Variants in CDIN1 observed in about 807,000 individuals in gnomAD.
CDIN1 encodes the protein CDAN1 interacting nuclease 1, also known as CDAN1-interacting nuclease 1.
A neutral mutation model predicts 45.3 loss-of-function variants in CDIN1; 33 were observed. The observed-to-expected ratio is 0.73, with a 90% CI of 0.55 to 0.97. The LOEUF (loss-of-function observed/expected upper bound fraction) is 0.97, where lower values mean the gene tolerates loss of function less well. CDIN1 is among the 50% of genes least tolerant of loss of function. CDIN1 has a pLI of 0.00. For synonymous variants in CDIN1, 118 were observed against 124.4 expected, an observed-to-expected ratio of 0.95 and a Z score of 0.34; for missense variants, 303 against 339.4, an observed-to-expected ratio of 0.89 and a Z score of 0.84.
intron 1 of CDIN1, among the ~76,000 whole-genome samples, chr15:36,643,516 G>A (rs143357398): frequency 1.3e-5 from 2 of 152,336 alleles, no homozygotes; most frequent in Admixed American, 6.5e-5. Context: ...AAGGACAGTC[G>A]AAAAGAGTAG....
intron 8 of CDIN1, 70 bp downstream of exon 8, chr15:36,697,460 C>T (rs1208897467): frequency 3.2e-6 from 4 of 1,265,532 alleles, no homozygotes; most frequent in East Asian, 4.8e-5. Flanking sequence ...TTTTAAAAAT[C>T]TTCCACTAAA....
At chr15:36,619,018 C>T (rs1437011476) in intron 1 of CDIN1, 1 of 1,451,658 alleles carries the variant, frequency 6.9e-7, no homozygotes, top group Non-Finnish European at 9.4e-7. Flanking sequence ...ATGGGAACTT[C>T]GCTCCAATGT....
At chr15:36,747,881 C>T (rs566815860) in intron 10 of CDIN1, among the ~76,000 whole-genome samples, 1 of 151,736 alleles carries the variant, frequency 6.6e-6, no homozygotes. Flanking sequence ...ATTTTTCACT[C>T]TGAGTCTTGT....
rs935047771 is a variant in CDIN1 at position 36,639,462 on chromosome 15, G to A, written c.102-4816G>A. ...TCTACTAAAAATACAAAAATTAGCC[G>A]GGCGTGGTGGCAGCTATTCTGGAGG... On this transcript the variant is annotated intron_variant, in intron 1 of 10. Coordinates refer to ENST00000566621, the MANE Select transcript of CDIN1 (RefSeq NM_001321759.2). Among the ~76,000 whole-genome samples the A allele has an allele frequency of 3.9e-5, 6 of 152,136 alleles. No individual in the cohort carries two copies. In the South Asian group the frequency reaches 8.3e-4, roughly 21 times the overall value.
intron 5 of CDIN1, among the ~76,000 whole-genome samples, chr15:36,663,352 G>A (rs1315212354): frequency 1.3e-5 from 2 of 152,182 alleles, no homozygotes; most frequent in East Asian, 3.8e-4. Flanking sequence ...TTTTATGACA[G>A]TGCTTTTCAA....
intron 5 of CDIN1, chr15:36,691,313 C>T (rs1438106224): frequency 3.1e-6 from 1 of 324,384 alleles, no homozygotes; most frequent in Non-Finnish European, 5.9e-6. Flanking sequence ...TCATTAAACT[C>T]TTCATATACA....
chr15:36,730,569 T>C (rs951005256), intron 10 of CDIN1, among the ~76,000 whole-genome samples: 72 of 152,274 alleles, frequency 4.7e-4, no homozygotes, highest in African/African-American at 1.5e-3. Context: ...ATTTAGCATG[T>C]TGGGAATTTA....
intron 5 of CDIN1, among the ~76,000 whole-genome samples, chr15:36,660,989 T>G (rs1288266598): frequency 6.6e-6 from 1 of 152,158 alleles, no homozygotes; most frequent in Non-Finnish European, 1.5e-5. Context: ...AGTGAGGCTG[T>G]TCTGGGAGAG....
chr15:36,697,044 G>A (rs771848656), intron 7 of CDIN1, among the ~76,000 whole-genome samples: 8 of 151,018 alleles, frequency 5.3e-5, no homozygotes, highest in Non-Finnish European at 1.2e-4. Context: ...AGGATTGCTT[G>A]AGCCCAGGAG....
At chr15:36,751,232 T>TATATATATATATATATAG in intron 10 of CDIN1, among the ~76,000 whole-genome samples, 1 of 60,150 alleles carries the variant, frequency 1.7e-5, no homozygotes, top group Non-Finnish European at 3.9e-5. Flanking sequence ...GCTTATTTTA[T>TATATATATATATATATAG]ATATATATAT....
chr15:36,606,797 A>G (rs1460338061), intron 1 of CDIN1, among the ~76,000 whole-genome samples: 2 of 152,080 alleles, frequency 1.3e-5, no homozygotes, highest in Non-Finnish European at 2.9e-5. Flanking sequence ...GGTTATGTAA[A>G]TTTTATATTC....
chr15:36,632,549 G>A (rs187611576), intron 1 of CDIN1, among the ~76,000 whole-genome samples: 61 of 152,050 alleles, frequency 4.0e-4, no homozygotes, highest in African/African-American at 1.4e-3. Flanking sequence ...TTTGTTTATA[G>A]TACAGTTCCT....
At chr15:36,718,187 G>C (rs111599362) in intron 10 of CDIN1, among the ~76,000 whole-genome samples, 2 of 151,892 alleles carry the variant, frequency 1.3e-5, no homozygotes, top group African/African-American at 4.8e-5. Context: ...GTTCATATAC[G>C]TGTGGGCCTG....
At chr15:36,712,717 T>C (rs1438072755) in intron 10 of CDIN1, among the ~76,000 whole-genome samples, 2 of 152,136 alleles carry the variant, frequency 1.3e-5, no homozygotes, top group African/African-American at 4.8e-5. Context: ...TTTTACAATG[T>C]AGTCATCTTC....
chr15:36,676,778 G>A (rs1026154663), intron 5 of CDIN1, among the ~76,000 whole-genome samples: 1 of 152,132 alleles, frequency 6.6e-6, no homozygotes, highest in Non-Finnish European at 1.5e-5. Context: ...CCTTCATTAT[G>A]TGGCCCTATA....
At chr15:36,630,901 G>T (rs2039651423) in intron 1 of CDIN1, among the ~76,000 whole-genome samples, 1 of 152,154 alleles carries the variant, frequency 6.6e-6, no homozygotes, top group African/African-American at 2.4e-5. Context: ...TAGAGCAAGA[G>T]CTCATTAATA....
intron 10 of CDIN1, among the ~76,000 whole-genome samples, chr15:36,800,901 GTGTGTGTGTATATATATATATA>G (rs1302025094): frequency 4.9e-4 from 11 of 22,374 alleles, no homozygotes; most frequent in African/African-American, 1.1e-3. Flanking sequence ...GTGTGTGTGT[GTGTGTGTGTATATATATATATA>G]TATATATATA....
intron 10 of CDIN1, among the ~76,000 whole-genome samples, chr15:36,787,919 ATAT>A (rs1425798208): frequency 2.0e-5 from 3 of 150,464 alleles, no homozygotes; most frequent in Non-Finnish European, 4.4e-5. Context: ...ATTTAATGTG[ATAT>A]TATTCATACT....
intron 10 of CDIN1, among the ~76,000 whole-genome samples, chr15:36,716,649 TTTG>T (rs879336452): frequency 6.6e-6 from 1 of 152,156 alleles, no homozygotes; most frequent in Non-Finnish European, 1.5e-5. Context: ...CTCTGGGATT[TTTG>T]TTGTTGTTGT....
Sources: gnomAD v4.1 joint callset for allele counts (sites outside exome capture counted in the v4.1 genomes callset) on GRCh38, gnomAD v4.1.1 for gene constraint, MANE v1.5 for transcripts, NCBI Gene and HGNC (gene_info 2026-07-23, HGNC 2026-07-21) for gene names.